Variants in PRDM11 observed in about 807,000 individuals in gnomAD.
The protein encoded by PRDM11 is PR domain-containing protein 11.
A neutral mutation model predicts 97.8 loss-of-function variants in PRDM11; 20 were observed. The ratio of observed to expected loss-of-function variants is 0.20; its 90% CI spans 0.14 to 0.30. The LOEUF (loss-of-function observed/expected upper bound fraction) is 0.30, where lower values mean the gene tolerates loss of function less well. PRDM11 is among the 10% of genes least tolerant of loss of function. The probability of loss-of-function intolerance (pLI) is 1.00; values close to 1 mark genes in which losing one functional copy is unlikely to be tolerated. For synonymous variants in PRDM11, 599 were observed against 637.7 expected, an observed-to-expected ratio of 0.94 and a Z score of 0.91; for missense variants, 1,139 against 1,555.2, an observed-to-expected ratio of 0.73 and a Z score of 4.50.
In PRDM11 at chr11:45,161,773, C is replaced by G. The variant is rs367834826; in HGVS notation, c.-7+14896C>G. ...CTGTTTGCTGTTTTCCTCACACCCC[C>G]CTTTCAGGCTCCAAACCACACTGAT... is the stretch of plus-strand genomic sequence containing the variant. On this transcript the variant is annotated intron_variant, in intron 1 of 7. Coordinates refer to ENST00000683152, the MANE Select transcript of PRDM11 (RefSeq NM_001384648.1). 7.2e-5 allele frequency among the ~76,000 whole-genome samples: 11 copies of G among 152,354 alleles called. No individual in the cohort carries two copies. The South Asian group carries it at 8.3e-4, about 11-fold the overall frequency.
At chr11:45,133,207 C>A (rs1208129711) in intron 1 of PRDM11, among the ~76,000 whole-genome samples, 1 of 152,190 alleles carries the variant, frequency 6.6e-6, no homozygotes, top group East Asian at 1.9e-4. Context: ...AATTCCTTAC[C>A]TCTCATTTTC....
chr11:45,145,473 A>G (rs1000543066), upstream of PRDM11, among the ~76,000 whole-genome samples: 2 of 151,940 alleles, frequency 1.3e-5, no homozygotes, highest in African/African-American at 4.8e-5. Flanking sequence ...TTGACACGGA[A>G]CTCCTTCCGC....
At chr11:45,098,466 G>T (rs759775384) in intron 1 of PRDM11, among the ~76,000 whole-genome samples, 1 of 152,200 alleles carries the variant, frequency 6.6e-6, no homozygotes, top group Non-Finnish European at 1.5e-5. Flanking sequence ...TTACGAGATA[G>T]AGGTTGGCAT....
At chr11:45,213,671 C>T (rs1259631204) in intron 5 of PRDM11, 5 of 456,280 alleles carry the variant, frequency 1.1e-5, no homozygotes, top group East Asian at 1.4e-4. Flanking sequence ...TGCTTTTCCT[C>T]GCCCTTGCAG....
In PRDM11 at chr11:45,210,112, G is replaced by C. The variant is rs369920369; in HGVS notation, c.554+5334G>C. 2.6e-3 allele frequency among the ~76,000 whole-genome samples: 395 copies of C among 152,280 alleles called. 3 individuals carry two copies. Among genetic ancestry groups the C allele is most frequent in the South Asian group, 0.017 (80 of 4,830 alleles). On this transcript the variant is annotated intron_variant, in intron 5 of 7. Coordinates refer to ENST00000683152, the MANE Select transcript of PRDM11 (RefSeq NM_001384648.1). The stretch of plus-strand genomic sequence containing the variant: ...GGCCAAGCTGTGAAGGCCCGGGCCG[G>C]GCCATGGAAAGATCAGTTCCTTTCT...
chr11:45,098,541 G>A (rs578163302), intron 1 of PRDM11, among the ~76,000 whole-genome samples: 14 of 152,218 alleles, frequency 9.2e-5, no homozygotes, highest in Non-Finnish European at 1.3e-4. Context: ...ACCAGGCCAG[G>A]TGACTTGCCC....
intron 1 of PRDM11, among the ~76,000 whole-genome samples, chr11:45,160,215 G>A (rs755056173): frequency 2.0e-5 from 3 of 152,220 alleles, no homozygotes; most frequent in Non-Finnish European, 4.4e-5. Flanking sequence ...CAAGAGAGCT[G>A]TTGGCATGCC....
intron 4 of PRDM11, among the ~76,000 whole-genome samples, chr11:45,188,929 T>G (rs996788286): frequency 9.2e-5 from 14 of 152,104 alleles, no homozygotes; most frequent in African/African-American, 3.1e-4. Flanking sequence ...GAGATGGAGT[T>G]TTGCTCTCGT....
intron 1 of PRDM11, among the ~76,000 whole-genome samples, chr11:45,116,437 G>C (rs567414457): frequency 1.8e-4 from 27 of 152,282 alleles, no homozygotes; most frequent in African/African-American, 6.0e-4. Flanking sequence ...AAACTTTACA[G>C]AGTATGTTCT....
chr11:45,094,658 A>G (rs111444970), upstream of PRDM11, among the ~76,000 whole-genome samples: 1,073 of 133,458 alleles, frequency 8.0e-3, 21 homozygotes, highest in African/African-American at 0.029. Context: ...GAGGGAGGAA[A>G]GAAGGAAGGA....
At chr11:45,189,712 A>G (rs1852839789) in intron 4 of PRDM11, among the ~76,000 whole-genome samples, 1 of 152,186 alleles carries the variant, frequency 6.6e-6, no homozygotes. Flanking sequence ...TTAAAACTTG[A>G]AAGTGGACGT....
At chr11:45,169,635 C>T (rs913165308) in intron 1 of PRDM11, among the ~76,000 whole-genome samples, 7 of 152,218 alleles carry the variant, frequency 4.6e-5, no homozygotes, top group African/African-American at 1.4e-4. Flanking sequence ...ATGTAAATAA[C>T]TCCCACATGC....
chr11:45,219,585 C>T lies in PRDM11; in HGVS notation c.570C>T (p.Ser190=), dbSNP rs1219425875. ...TCCCCACCAGGTACGTGGTCATCTC[C>T]CGGGAGGAGAGGGAGCAGAACCTGC... is the stretch of plus-strand genomic sequence containing the variant. ...KANWMRYVVI[S]REEREQNLLA... is the part of the protein sequence containing the mutation. The change falls in exon 6 of 8, where the codon TCC becomes TCT. Residue 190 remains serine (S), a synonymous_variant. Transcript: ENST00000683152. This position sits in a 1 kb window ranked among gnomAD's most constrained non-coding sequence, Gnocchi z 4.2. 6.2e-7 allele frequency: 1 copy of T among 1,613,882 alleles called. No homozygotes were observed. Among genetic ancestry groups the T allele is most frequent in the Non-Finnish European group, 8.5e-7 (1 of 1,179,876 alleles).
chr11:45,188,629 C>G (rs79902078), intron 4 of PRDM11, among the ~76,000 whole-genome samples: 1,896 of 152,354 alleles, frequency 0.012, 36 homozygotes, highest in African/African-American at 0.044. Context: ...GCCATTTCCA[C>G]TCCACAACTC....
chr11:45,223,352 C>G (rs10838435), intron 6 of PRDM11, among the ~76,000 whole-genome samples: 105,951 of 152,150 alleles, frequency 0.7, 39,823 homozygotes, highest in Non-Finnish European at 0.85. Context: ...ATTTATGGTT[C>G]AGGAGCTCAC....
At chr11:45,216,766 A>C (rs1474285687) in intron 5 of PRDM11, among the ~76,000 whole-genome samples, 1 of 152,238 alleles carries the variant, frequency 6.6e-6, no homozygotes, top group Admixed American at 6.5e-5. Flanking sequence ...AGCTTTCCAA[A>C]TATTGATTCT....
intron 1 of PRDM11, among the ~76,000 whole-genome samples, chr11:45,166,103 G>A (rs1266899903): frequency 2.0e-5 from 3 of 151,440 alleles, no homozygotes; most frequent in African/African-American, 7.4e-5. Flanking sequence ...AGTCAAACAA[G>A]AGTAGTCAAA....
chr11:45,108,451 C>T (rs10769117), intron 1 of PRDM11, among the ~76,000 whole-genome samples: 28,665 of 152,144 alleles, frequency 0.19, 3,974 homozygotes, highest in African/African-American at 0.39. Flanking sequence ...TCACTCCTGC[C>T]CATGTGCCCA....
At chr11:45,216,593 T>C (rs948043211) in intron 5 of PRDM11, among the ~76,000 whole-genome samples, 3 of 152,220 alleles carry the variant, frequency 2.0e-5, no homozygotes, top group Admixed American at 1.3e-4. Context: ...TTAAATGGTA[T>C]AACATAAACA....
Sources: allele counts gnomAD v4.1 joint callset (sites outside exome capture counted in the v4.1 genomes callset), GRCh38; gene constraint gnomAD v4.1.1; non-coding constraint Gnocchi (gnomAD v3.1); transcripts MANE v1.5; gene names NCBI Gene and HGNC (gene_info 2026-07-23, HGNC 2026-07-21).